Variants in DMD observed in about 807,000 individuals in gnomAD.
The protein encoded by DMD is dystrophin.
DMD carries 63 observed loss-of-function variants against 330.1 expected under a neutral mutation model. That is an observed-to-expected ratio of 0.19 (90% CI 0.16 to 0.24). DMD has a LOEUF of 0.24. DMD is among the 10% of genes least tolerant of loss of function. DMD has a pLI of 1.00. For missense variants in DMD, 3,344 were observed against 2,684.1 expected (o/e 1.25, Z -5.43); for synonymous variants, 1,223 against 959.8 (o/e 1.27, Z -5.07).
chrX:32,927,019 C>T (rs1013990816), intron 2 of DMD, among the ~76,000 whole-genome samples: 5 of 111,538 alleles, frequency 4.5e-5, no homozygotes, highest in African/African-American at 1.6e-4. Context: ...TAATGTCTGA[C>T]ATATATTAAT....
At chrX:32,981,465 A>T in intron 2 of DMD, among the ~76,000 whole-genome samples, 1 of 111,795 alleles carries the variant, frequency 8.9e-6, no homozygotes. Flanking sequence ...AATAAGGTTT[A>T]GGTATTCTGA....
intron 49 of DMD, among the ~76,000 whole-genome samples, chrX:31,830,590 G>A (rs1242851914): frequency 5.4e-5 from 6 of 111,925 alleles, no homozygotes; most frequent in African/African-American, 9.7e-5. Context: ...GCGAAACTCC[G>A]TCTCAAAAAC....
At chrX:31,490,215 A>G (rs909329935) in intron 57 of DMD, among the ~76,000 whole-genome samples, 3 of 112,335 alleles carry the variant, frequency 2.7e-5, no homozygotes, top group Non-Finnish European at 5.6e-5. Flanking sequence ...AGTAGATATA[A>G]CTAACAGTCA....
In DMD at chrX:33,242,761, G is replaced by A. The variant is rs747416008; in HGVS notation, c.7+96498C>T. 2.7e-5 allele frequency among the ~76,000 whole-genome samples: 3 copies of A among 111,421 alleles called. No individual in the cohort carries two copies. In the South Asian group the frequency reaches 1.1e-3, roughly 42 times the overall value. On this transcript the variant is annotated intron_variant, in intron 1 of 17. Transcript: ENST00000288447. ...CACCACATCCATGCCAACATCTACCGTTTTTTGATTTTTTGATTATGGCCA... is the reference window on the plus strand; with the variant it reads ...CACCACATCCATGCCAACATCTACCATTTTTTGATTTTTTGATTATGGCCA...
At chrX:32,750,883 T>A (rs977317159) in intron 7 of DMD, among the ~76,000 whole-genome samples, 2 of 111,595 alleles carry the variant, frequency 1.8e-5, no homozygotes, top group Admixed American at 9.5e-5. Context: ...GTTCTCATGA[T>A]AGTGAATAAG....
At chrX:32,442,081 A>G (rs778436641) in intron 27 of DMD, among the ~76,000 whole-genome samples, 1 of 111,082 alleles carries the variant, frequency 9.0e-6, no homozygotes, top group Non-Finnish European at 1.9e-5. Flanking sequence ...AAATTTCTAC[A>G]AGAAAATATA....
chrX:31,237,000 A>G (rs1176333306), intron 63 of DMD, among the ~76,000 whole-genome samples: 1 of 111,951 alleles, frequency 8.9e-6, no homozygotes, highest in East Asian at 2.8e-4. Context: ...GCCCAACATC[A>G]ACACACCCCC....
At chrX:32,076,371 TTTTC>T (rs1240377526) in intron 44 of DMD, among the ~76,000 whole-genome samples, 6 of 98,494 alleles carry the variant, frequency 6.1e-5, no homozygotes, top group East Asian at 5.9e-4. Context: ...AGACTTCTTT[TTTTC>T]TTTCTTTCTT....
chrX:33,300,013 G>A (rs1380565831), intron 1 of DMD, among the ~76,000 whole-genome samples: 1 of 111,895 alleles, frequency 8.9e-6, no homozygotes, highest in Admixed American at 9.5e-5. Flanking sequence ...AATCAAAAGA[G>A]AAAGAATCAC....
intron 74 of DMD, 131 bp from the exon 75 acceptor site, chrX:31,147,649 A>G: frequency 8.2e-6 from 4 of 488,077 alleles, no homozygotes; most frequent in Non-Finnish European, 1.4e-5. Flanking sequence ...CCACCGAAGA[A>G]CAGCAAGCAA....
intron 16 of DMD, among the ~76,000 whole-genome samples, chrX:32,554,290 T>C (rs905593060): frequency 9.1e-6 from 1 of 110,242 alleles, no homozygotes; most frequent in Non-Finnish European, 1.9e-5. Context: ...GATAAAGACA[T>C]GAAAAACCCT....
intron 1 of DMD, among the ~76,000 whole-genome samples, chrX:33,304,575 T>C (rs1830000901): frequency 9.1e-6 from 1 of 110,417 alleles, no homozygotes; most frequent in Non-Finnish European, 1.9e-5. Flanking sequence ...TGGGATCTCA[T>C]CAAACTAAAG....
chrX:32,352,548 A>C (rs2097785449), intron 37 of DMD, among the ~76,000 whole-genome samples: 1 of 111,019 alleles, frequency 9.0e-6, no homozygotes, highest in Non-Finnish European at 1.9e-5. Flanking sequence ...CAAATTTCTA[A>C]AGCTCAGTGG....
chrX:31,968,563 T>C (rs758778576), intron 44 of DMD, 49 bp from the exon 45 acceptor site: 1 of 1,152,296 alleles, frequency 8.7e-7, no homozygotes, highest in Non-Finnish European at 1.2e-6. Flanking sequence ...CATGTCTTTT[T>C]ATTTGAGAAA....
chrX:32,708,721 C>G (rs776145736), intron 7 of DMD, among the ~76,000 whole-genome samples: 81 of 111,048 alleles, frequency 7.3e-4, no homozygotes, highest in Non-Finnish European at 1.3e-3. Flanking sequence ...AAGGAAGAAA[C>G]GAGTGGACCA....
At chrX:31,494,563 T>C (rs921453200) in intron 57 of DMD, among the ~76,000 whole-genome samples, 5 of 111,676 alleles carry the variant, frequency 4.5e-5, no homozygotes, top group Non-Finnish European at 1.9e-5. Flanking sequence ...AACTTCATTC[T>C]GGTGAGTATC....
At chrX:32,972,671 G>C (rs773196404) in intron 2 of DMD, among the ~76,000 whole-genome samples, 90 of 112,291 alleles carry the variant, frequency 8.0e-4, no homozygotes, top group Non-Finnish European at 1.3e-3. Context: ...TTTGGAGCCT[G>C]AGCATCTAGG....
chrX:32,579,590 T>C (rs2053435132), intron 13 of DMD, among the ~76,000 whole-genome samples: 1 of 112,719 alleles, frequency 8.9e-6, no homozygotes, highest in Non-Finnish European at 1.9e-5. Context: ...CTTTGGAGTC[T>C]TTTCATATTT....
chrX:33,101,448 A>G (rs141686898), intron 1 of DMD, among the ~76,000 whole-genome samples: 212 of 111,921 alleles, frequency 1.9e-3, no homozygotes, highest in African/African-American at 6.4e-3. Context: ...GCCAACGTAT[A>G]GTGAAACCCC....
Sources: gnomAD v4.1 joint callset for allele counts (sites outside exome capture counted in the v4.1 genomes callset) on GRCh38, gnomAD v4.1.1 for gene constraint, MANE v1.5 for transcripts, NCBI Gene and HGNC (gene_info 2026-07-23, HGNC 2026-07-21) for gene names.